The following FRMD5 variants were observed in gnomAD, a reference collection of about 807,000 sequenced individuals.
FRMD5 encodes the protein FERM domain-containing protein 5.
Under a neutral mutation model 69.0 loss-of-function variants are expected in FRMD5, and 20 were observed. The ratio of observed to expected loss-of-function variants is 0.29; its 90% CI spans 0.20 to 0.42. FRMD5 has a LOEUF of 0.42. FRMD5 is among the 10% of genes least tolerant of loss of function. The probability of loss-of-function intolerance (pLI) is 1.00; values close to 1 mark genes in which losing one functional copy is unlikely to be tolerated. For missense variants in FRMD5, 595 were observed against 708.6 expected, an observed-to-expected ratio of 0.84 and a Z score of 1.82; for synonymous variants, 271 against 260.1, an observed-to-expected ratio of 1.04 and a Z score of -0.40.
chr15:43,875,363 A>AATAT (rs749584177), intron 13 of FRMD5, among the ~76,000 whole-genome samples: 52 of 105,308 alleles, frequency 4.9e-4, no homozygotes, highest in African/African-American at 1.4e-3. Context: ...AAAAAAAAAA[A>AATAT]ATATATATAT....
chr15:44,021,729 G>A (rs1305660770), intron 1 of FRMD5, among the ~76,000 whole-genome samples: 1 of 152,140 alleles, frequency 6.6e-6, no homozygotes, highest in African/African-American at 2.4e-5. Flanking sequence ...TATGTAAAAT[G>A]TTATGGTCGC....
At chr15:43,896,293 C>G (rs1211386147) in intron 7 of FRMD5, among the ~76,000 whole-genome samples, 1 of 152,228 alleles carries the variant, frequency 6.6e-6, no homozygotes, top group African/African-American at 2.4e-5. Context: ...GACCCCAGCT[C>G]TCCTCCTTCT....
At position 43,905,863 on chromosome 15, in the gene FRMD5, T is replaced by C. The variant is rs747654372; in HGVS notation, c.516A>G (p.Glu172=). The change falls in exon 6 of 14, where the codon GAA becomes GAG. Residue 172 remains glutamate, a synonymous_variant. Coordinates refer to ENST00000417257, the MANE Select transcript of FRMD5 (RefSeq NM_032892.5). ...QFFPKHSEKL[E]RKIAEIHKTE... ...TCTTGTGAATCTCAGCAATTTTCCT[T>C]TCCAGCTTCTCTGAATGTTTAGGGA... 6.2e-7 allele frequency: 1 copy of C among 1,614,250 alleles called. No homozygotes were observed. Among genetic ancestry groups the C allele is most frequent in the South Asian group, 1.1e-5 (1 of 91,086 alleles).
At chr15:43,955,008 T>C (rs1006210677) in intron 1 of FRMD5, among the ~76,000 whole-genome samples, 2 of 152,216 alleles carry the variant, frequency 1.3e-5, no homozygotes, top group African/African-American at 4.8e-5. Context: ...CAAGCTCCTT[T>C]TGATTGTGGA....
intron 1 of FRMD5, among the ~76,000 whole-genome samples, chr15:44,070,943 C>T (rs1413840023): frequency 6.6e-6 from 1 of 152,142 alleles, no homozygotes; most frequent in African/African-American, 2.4e-5. Context: ...AAGGTCTGGC[C>T]CCTCTTCTGC....
chr15:43,902,676 T>G (rs1024172246), intron 6 of FRMD5, among the ~76,000 whole-genome samples: 1 of 131,044 alleles, frequency 7.6e-6, no homozygotes, highest in African/African-American at 3.3e-5. Flanking sequence ...AGTGACAGAA[T>G]GAGACCCTGT....
At position 43,967,152 on chromosome 15, in the gene FRMD5, T is replaced by C. The variant is rs548671333; in HGVS notation, c.103-42843A>G. Among the ~76,000 whole-genome samples the C allele has an allele frequency of 7.9e-5, 12 of 152,010 alleles. No homozygotes were observed. In the South Asian group the frequency reaches 2.5e-3, roughly 32 times the overall value. ...AATTATTTGGATTTACAGTTTTGTG[T>C]CATTTTACAGATTATACAGCACTTT... On this transcript the variant is annotated intron_variant, in intron 1 of 13. Transcript: ENST00000417257.
intron 1 of FRMD5, among the ~76,000 whole-genome samples, chr15:44,040,992 CAAAAAAAAAAAAAAAAAAAAAA>C (rs71421819): frequency 1.4e-3 from 25 of 17,498 alleles, no homozygotes; most frequent in East Asian, 3.1e-3. Context: ...AAATGGAAAG[CAAAAAAAAAAAAAAAAAAAAAA>C]AAAAAAAAAA....
intron 4 of FRMD5, chr15:43,917,613 G>T (rs2089415627): frequency 6.6e-6 from 1 of 152,168 alleles, no homozygotes; most frequent in Non-Finnish European, 1.5e-5. Context: ...TCGAACTCCT[G>T]ACTTCAGGTG....
intron 6 of FRMD5, 52 bp from the exon 7 acceptor site, chr15:43,902,314 C>A: frequency 7.0e-7 from 1 of 1,421,688 alleles, no homozygotes. Context: ...CCACAGGTTC[C>A]CCTGAGGTAA....
rs1019686597 is a variant in FRMD5, at chr15:44,003,459, A to G, written c.103-79150T>C. 2.6e-5 allele frequency among the ~76,000 whole-genome samples: 4 copies of G among 152,280 alleles called. No individual in the cohort carries two copies. The East Asian group carries it at 5.8e-4, about 22-fold the overall frequency. On this transcript the variant is annotated intron_variant, in intron 1 of 13. Coordinates refer to ENST00000417257, the MANE Select transcript of FRMD5 (RefSeq NM_032892.5). ...TGTTAAAACCCTGCGATGGTTCCCT[A>G]TTTCACTCAAGAGTAAAACCCAGAG...
At chr15:43,986,842 T>C (rs1034847745) in intron 1 of FRMD5, among the ~76,000 whole-genome samples, 4 of 152,114 alleles carry the variant, frequency 2.6e-5, no homozygotes, top group African/African-American at 9.7e-5. Context: ...CAAGCCTGCA[T>C]TGAGCAAGTC....
intron 13 of FRMD5, among the ~76,000 whole-genome samples, chr15:43,875,510 C>T (rs907382596): frequency 6.6e-6 from 1 of 151,508 alleles, no homozygotes; most frequent in Non-Finnish European, 1.5e-5. Context: ...TGGAGTCTTA[C>T]TCTGTCGCCC....
intron 4 of FRMD5, chr15:43,917,665 G>T (rs573345297): frequency 1.3e-5 from 2 of 152,298 alleles, no homozygotes; most frequent in African/African-American, 4.8e-5. Context: ...GATTACAGGC[G>T]TGAGCCACCA....
chr15:43,948,865 A>G (rs1233601079), intron 1 of FRMD5, among the ~76,000 whole-genome samples: 4 of 152,248 alleles, frequency 2.6e-5, no homozygotes, highest in Non-Finnish European at 4.4e-5. Context: ...CAAATCTTCT[A>G]AGAACCTTGA....
chr15:44,142,951 G>A (rs901318028), intron 1 of FRMD5, among the ~76,000 whole-genome samples: 7 of 152,146 alleles, frequency 4.6e-5, no homozygotes, highest in Non-Finnish European at 7.4e-5. Flanking sequence ...TTAGCTGGGC[G>A]TGGTGGCGCG....
intron 10 of FRMD5, among the ~76,000 whole-genome samples, chr15:43,887,209 G>A (rs2088684576): frequency 6.6e-6 from 1 of 152,164 alleles, no homozygotes; most frequent in African/African-American, 2.4e-5. Flanking sequence ...TGTGGAGCAG[G>A]CCCCTGTCGG....
At position 43,873,915 on chromosome 15, in the gene FRMD5, G is replaced by A. The variant is rs1339746507; in HGVS notation, c.1683C>T (p.Arg561=). The A allele has an allele frequency of 6.2e-7, 1 of 1,614,166 alleles. No homozygotes were observed. The highest frequency in any genetic ancestry group is 8.5e-7 in the Non-Finnish European group (1 of 1,180,030). ...PLRRWFACKI[R]SVVSLLIDT ...TGTCAATGAGCAGGCTCACCACTGA[G>A]CGGATTTTGCAGGCAAACCATCGCC... Residue 561 remains arginine, a synonymous_variant, in exon 14 of 14, where the codon CGC becomes CGT. Transcript: ENST00000417257.
At chr15:44,125,220 T>C (rs2077009788) in intron 1 of FRMD5, among the ~76,000 whole-genome samples, 1 of 151,968 alleles carries the variant, frequency 6.6e-6, no homozygotes, top group Non-Finnish European at 1.5e-5. Flanking sequence ...GAAGATTGCT[T>C]GAGTCCTGGC....
Sources: allele counts gnomAD v4.1 joint callset (sites outside exome capture counted in the v4.1 genomes callset), GRCh38; gene constraint gnomAD v4.1.1; transcripts MANE v1.5; gene names NCBI Gene and HGNC (gene_info 2026-07-23, HGNC 2026-07-21).